The following ADAMTS12 variants were observed in gnomAD, a reference collection of about 807,000 sequenced individuals.
The protein encoded by ADAMTS12 is A disintegrin and metalloproteinase with thrombospondin motifs 12.
Under a neutral mutation model 167.8 loss-of-function variants are expected in ADAMTS12, and 118 were observed. The ratio of observed to expected loss-of-function variants is 0.70; its 90% CI spans 0.61 to 0.82. The LOEUF (loss-of-function observed/expected upper bound fraction) is 0.82, where lower values mean the gene tolerates loss of function less well. ADAMTS12 is among the 40% of genes least tolerant of loss of function. The pLI, the probability that ADAMTS12 is intolerant of heterozygous loss-of-function variation, is 0.00. For missense variants in ADAMTS12, 1,916 were observed against 1,998.8 expected (o/e 0.96, Z 0.79); for synonymous variants, 704 against 716.9 (o/e 0.98, Z 0.29).
chr5:33,720,284 T>A (rs76817433), intron 3 of ADAMTS12, among the ~76,000 whole-genome samples: 10,635 of 147,798 alleles, frequency 0.072, 642 homozygotes, highest in East Asian at 0.18. Context: ...TCTCTCTCAC[T>A]CACACACACA....
At chr5:33,544,923 G>C (rs1744895631) in intron 22 of ADAMTS12, among the ~76,000 whole-genome samples, 1 of 151,894 alleles carries the variant, frequency 6.6e-6, no homozygotes, top group African/African-American at 2.4e-5. Context: ...GAAAACCTAG[G>C]CAATACCATT....
chr5:33,630,994 A>T lies in ADAMTS12; in HGVS notation c.1889-81T>A, dbSNP rs1046054365. 9.2e-6 allele frequency: 14 copies of T among 1,525,522 alleles called. No individual in the cohort carries two copies. The East Asian group carries it at 3.2e-4, about 35-fold the overall frequency. 94.5% of individuals were successfully genotyped at this position (1,525,522 alleles called of 1,614,324 possible). On this transcript the variant is annotated intron_variant, in intron 12 of 23. Transcript: ENST00000504830. ...CCCCCAGGATTCCTCCGTACTTAGGACCCCCAAGTGTCATTTACTCTGGCA... is the reference window on the plus strand; with the variant it reads ...CCCCCAGGATTCCTCCGTACTTAGGTCCCCCAAGTGTCATTTACTCTGGCA...
At chr5:33,544,575 C>G (rs1252055593) in intron 22 of ADAMTS12, among the ~76,000 whole-genome samples, 2 of 152,250 alleles carry the variant, frequency 1.3e-5, no homozygotes, top group East Asian at 3.9e-4. Context: ...GCAAAAAGAA[C>G]AAAGCTGGAG....
intron 9 of ADAMTS12, 38 bp downstream of exon 9, chr5:33,648,784 C>T (rs766073028): frequency 1.2e-6 from 2 of 1,611,612 alleles, no homozygotes; most frequent in Non-Finnish European, 1.7e-6. Context: ...TGCTGGAGAT[C>T]TGAAGCCCTG....
At chr5:33,882,051 G>C (rs1005788982) in intron 1 of ADAMTS12, among the ~76,000 whole-genome samples, 4 of 152,166 alleles carry the variant, frequency 2.6e-5, no homozygotes, top group Admixed American at 6.5e-5. Context: ...ATTAATCCGT[G>C]AGGGGTACTG....
At chr5:33,554,385 C>G (rs1745398448) in intron 20 of ADAMTS12, among the ~76,000 whole-genome samples, 1 of 152,142 alleles carries the variant, frequency 6.6e-6, no homozygotes, top group Non-Finnish European at 1.5e-5. Flanking sequence ...CTTGGGGTCA[C>G]TTCTTATATG....
intron 7 of ADAMTS12, among the ~76,000 whole-genome samples, chr5:33,654,266 G>T (rs2112202030): frequency 6.6e-6 from 1 of 152,162 alleles, no homozygotes; most frequent in African/African-American, 2.4e-5. Context: ...TGAAATATTT[G>T]TCAGCTAATT....
chr5:33,644,616 A>G (rs763204129), intron 9 of ADAMTS12, among the ~76,000 whole-genome samples: 3 of 152,114 alleles, frequency 2.0e-5, no homozygotes, highest in Non-Finnish European at 4.4e-5. Context: ...TAAAAATTCA[A>G]TTTTTGAAAG....
At chr5:33,692,545 A>C (rs979452096) in intron 3 of ADAMTS12, among the ~76,000 whole-genome samples, 16 of 152,236 alleles carry the variant, frequency 1.1e-4, no homozygotes, top group African/African-American at 3.9e-4. Flanking sequence ...CAATATTTTA[A>C]ATAAATCAAT....
chr5:33,649,172 AG>A (rs1362019247), intron 8 of ADAMTS12, among the ~76,000 whole-genome samples: 5 of 152,238 alleles, frequency 3.3e-5, no homozygotes, highest in Non-Finnish European at 7.3e-5. Flanking sequence ...TAGTTTATCT[AG>A]AAAATACAAG....
intron 2 of ADAMTS12, among the ~76,000 whole-genome samples, chr5:33,863,673 T>C (rs531793081): frequency 1.2e-4 from 18 of 152,266 alleles, no homozygotes; most frequent in African/African-American, 3.4e-4. Flanking sequence ...CAAGTTACCA[T>C]TGACTTTCTT....
chr5:33,847,264 G>C (rs1435913362), intron 2 of ADAMTS12, among the ~76,000 whole-genome samples: 1 of 152,134 alleles, frequency 6.6e-6, no homozygotes, highest in Non-Finnish European at 1.5e-5. Context: ...CCAGACTCAA[G>C]GGTAGCACCT....
Position 33,576,495 on chromosome 5 carries a change from C to G in ADAMTS12, c.3531G>C (p.Trp1177Cys). 1 of 1,609,036 alleles carries G rather than the reference C, an allele frequency of 6.2e-7. No homozygotes were observed. Residue 1177 changes from tryptophan to cysteine, a missense_variant, in exon 19 of 24, where the codon TGG becomes TGC. Transcript: ENST00000504830. ...EDKDESNPVI[W>C]TKIRVPGNDA... Reference sequence around the variant, plus strand: ...CATTTCCAGGTACTCTGATCTTGGTCCATATTACAGGATTGCTTTCATCTT... The same window carrying G: ...CATTTCCAGGTACTCTGATCTTGGTGCATATTACAGGATTGCTTTCATCTT...
At chr5:33,854,869 G>A (rs994361558) in intron 2 of ADAMTS12, among the ~76,000 whole-genome samples, 1 of 152,204 alleles carries the variant, frequency 6.6e-6, no homozygotes, top group Non-Finnish European at 1.5e-5. Flanking sequence ...AGAGGTCAGA[G>A]AGAATTCCTC....
chr5:33,549,454 C>T lies in ADAMTS12; in HGVS notation c.4126-71G>A, dbSNP rs462629. ...CAGGCCTCCCTTCCTTCCCCTCAGCCGTGGAGGCGCCAGGCATTCAGTCAT... is the reference window on the plus strand; with the variant it reads ...CAGGCCTCCCTTCCTTCCCCTCAGCTGTGGAGGCGCCAGGCATTCAGTCAT... On this transcript the variant is annotated intron_variant, in intron 20 of 23. Transcript: ENST00000504830. 14 of 1,540,662 alleles carry T rather than the reference C, an allele frequency of 9.1e-6. 1 individual carries two copies. The South Asian group carries it at 9.7e-5, about 11-fold the overall frequency.
At chr5:33,717,685 A>G (rs1047485881) in intron 3 of ADAMTS12, among the ~76,000 whole-genome samples, 1 of 152,172 alleles carries the variant, frequency 6.6e-6, no homozygotes, top group African/African-American at 2.4e-5. Flanking sequence ...TGATATCTTT[A>G]TTATTTCTAC....
intron 2 of ADAMTS12, among the ~76,000 whole-genome samples, chr5:33,873,087 G>C (rs1750099346): frequency 7.1e-6 from 1 of 141,496 alleles, no homozygotes; most frequent in Non-Finnish European, 1.5e-5. Flanking sequence ...AATAAAACAA[G>C]AAAAGGAAAT....
At chr5:33,644,492 C>T (rs1346066468) in intron 9 of ADAMTS12, among the ~76,000 whole-genome samples, 1 of 152,166 alleles carries the variant, frequency 6.6e-6, no homozygotes, top group Non-Finnish European at 1.5e-5. Flanking sequence ...ATAACCACAC[C>T]TTCCATTTCC....
At chr5:33,762,445 T>C (rs1336500348) in intron 2 of ADAMTS12, among the ~76,000 whole-genome samples, 1 of 150,960 alleles carries the variant, frequency 6.6e-6, no homozygotes, top group Admixed American at 6.6e-5. Context: ...GAGGCGGGGG[T>C]TGCAGTGAGC....
Sources: gnomAD v4.1 joint callset for allele counts (sites outside exome capture counted in the v4.1 genomes callset) on GRCh38, gnomAD v4.1.1 for gene constraint, MANE v1.5 for transcripts, NCBI Gene and HGNC (gene_info 2026-07-23, HGNC 2026-07-21) for gene names.